The following WASHC2C variants were observed in gnomAD, a reference collection of about 807,000 sequenced individuals.
The protein encoded by WASHC2C is Vaccinia Penetration Factor.
Under a neutral mutation model 142.2 loss-of-function variants are expected in WASHC2C, and 73 were observed. The ratio of observed to expected loss-of-function variants is 0.51; its 90% CI spans 0.43 to 0.62. The LOEUF is 0.62. Among genes scored for constraint, WASHC2C ranks in the 20% least tolerant of loss-of-function variants. The pLI, the probability that WASHC2C is intolerant of heterozygous loss-of-function variation, is 0.00. For missense variants in WASHC2C, 969 were observed against 1,531.7 expected, an observed-to-expected ratio of 0.63 and a Z score of 6.13; for synonymous variants, 337 against 565.5, an observed-to-expected ratio of 0.60 and a Z score of 5.73.
At chr10:45,740,432 A>G (rs548940379) in intron 5 of WASHC2C, among the ~76,000 whole-genome samples, 186 bp downstream of exon 5, 6 of 152,332 alleles carry the variant, frequency 3.9e-5, no homozygotes, top group Admixed American at 3.9e-4. Context: ...GTGAGGTGCA[A>G]GGCAACATGT....
Position 45,787,197 on chromosome 10 carries a change from G to A in WASHC2C, c.3037G>A (p.Val1013Met). 23 of 1,543,448 alleles carry A rather than the reference G, an allele frequency of 1.5e-5. No homozygotes were observed. Among genetic ancestry groups the A allele is most frequent in the Non-Finnish European group, 2.0e-5 (23 of 1,136,852 alleles). ...CCTTCCCGGGAGTGGGGAGGCCGGT[G>A]TGAGTTTTGATCTTCCAGCTCAGGC... ...PVLPGSGEAGVSFDLPAQADT... is the reference protein window; with the variant it reads ...PVLPGSGEAGMSFDLPAQADT... Residue 1013 changes from valine to methionine, a missense_variant, in exon 28 of 31, where the codon GTG (valine) becomes ATG (methionine). Val to Met is a conservative substitution (Grantham distance 21). Coordinates refer to ENST00000623400, the MANE Select transcript of WASHC2C (RefSeq NM_001330074.2).
At chr10:45,784,280 A>ATGTG (rs2057810821) in intron 23 of WASHC2C, among the ~76,000 whole-genome samples, 1 of 7,250 alleles carries the variant, frequency 1.4e-4, no homozygotes, top group Non-Finnish European at 3.9e-4. Context: ...ATATATATAT[A>ATGTG]TATATATATA....
At chr10:45,764,368 C>T (rs1444590314) in intron 18 of WASHC2C, among the ~76,000 whole-genome samples, 6 of 151,350 alleles carry the variant, frequency 4.0e-5, no homozygotes, top group African/African-American at 1.5e-4. Context: ...CAACATATTA[C>T]TGAGAAAACA....
rs1239697357 is a variant in WASHC2C at position 45,731,452 on chromosome 10, G to A, written c.291+2426G>A. Among the ~76,000 whole-genome samples the A allele has an allele frequency of 2.1e-5, 3 of 142,862 alleles. No individual in the cohort carries two copies. The South Asian group carries it at 6.9e-4, about 33-fold the overall frequency. 93.7% of individuals were successfully genotyped at this position (142,862 alleles called of 152,430 possible). ...TTGGTGAGTCTGCTTTTGAACTTCTGACCTCAAGCGATCTGCCCATTGCAA... is the reference window on the plus strand; with the variant it reads ...TTGGTGAGTCTGCTTTTGAACTTCTAACCTCAAGCGATCTGCCCATTGCAA... On this transcript the variant is annotated intron_variant, in intron 3 of 30. Transcript: ENST00000623400.
chr10:45,769,029 A>T (rs1465693046), intron 19 of WASHC2C, among the ~76,000 whole-genome samples: 2 of 152,188 alleles, frequency 1.3e-5, no homozygotes, highest in Non-Finnish European at 1.5e-5. Context: ...TGATGCACTA[A>T]GTTTAATACT....
chr10:45,761,859 C>T (rs2055136163), intron 17 of WASHC2C, among the ~76,000 whole-genome samples: 1 of 152,144 alleles, frequency 6.6e-6, no homozygotes, highest in Non-Finnish European at 1.5e-5. Context: ...AGGAGGGGCA[C>T]GGGATGCCTG....
intron 23 of WASHC2C, among the ~76,000 whole-genome samples, chr10:45,779,936 G>A (rs1312869015): frequency 2.0e-5 from 3 of 148,988 alleles, no homozygotes; most frequent in African/African-American, 7.4e-5. Flanking sequence ...AGTGAGCCGA[G>A]ATCGCACCAC....
intron 23 of WASHC2C, among the ~76,000 whole-genome samples, chr10:45,784,252 GTA>G (rs71225139): frequency 0.018 from 731 of 40,618 alleles, 4 homozygotes; most frequent in South Asian, 0.039. Flanking sequence ...GTGTGTGTGT[GTA>G]TATATATATA....
intron 28 of WASHC2C, among the ~76,000 whole-genome samples, chr10:45,788,626 C>G (rs1265330760): frequency 2.0e-5 from 3 of 152,088 alleles, no homozygotes; most frequent in Non-Finnish European, 2.9e-5. Context: ...TGAAACTGCC[C>G]TGAAAAGATT....
At chr10:45,735,937 T>A (rs4949017) in intron 3 of WASHC2C, among the ~76,000 whole-genome samples, 1 of 152,160 alleles carries the variant, frequency 6.6e-6, no homozygotes, top group Non-Finnish European at 1.5e-5. Flanking sequence ...GGTAAAATCC[T>A]TCTCTAGGTA....
At position 45,755,097 on chromosome 10, in the gene WASHC2C, A is replaced by G. The variant is rs199533081; in HGVS notation, c.1402A>G (p.Ser468Gly). Residue 468 changes from serine to glycine, a missense_variant, in exon 15 of 31, where the codon AGC (serine) becomes GGC (glycine). Physicochemically the swap from Ser to Gly is moderately conservative, Grantham distance 56. Transcript: ENST00000623400. ...DDDDFFSAPH[S>G]KPSKTRKVQS... is the part of the protein sequence containing the mutation. ...TGACGACTTTTTCTCGGCACCCCAC[A>G]GCAAACCTTCTAAAACACGTATGTG... 19 of 1,601,122 alleles carry G rather than the reference A, an allele frequency of 1.2e-5. No individual in the cohort carries two copies. In the South Asian group the frequency reaches 1.8e-4, roughly 15 times the overall value.
At chr10:45,738,913 G>A (rs2051626936) in intron 4 of WASHC2C, among the ~76,000 whole-genome samples, 2 of 152,132 alleles carry the variant, frequency 1.3e-5, no homozygotes, top group African/African-American at 4.8e-5. Flanking sequence ...CGCCATGTTG[G>A]CCAGGCTGGT....
chr10:45,789,330 G>T lies in WASHC2C; in HGVS notation c.3547G>T (p.Asp1183Tyr). The T allele has an allele frequency of 6.2e-7, 1 of 1,612,056 alleles. No individual in the cohort carries two copies. The highest frequency in any genetic ancestry group is 8.5e-7 in the Non-Finnish European group (1 of 1,179,870). ...TCTAGGCGAGGCCAGCAGTGATGATGATCTCTTTCAGTCTGCTAAACCAAA... is the reference window on the plus strand; with the variant it reads ...TCTAGGCGAGGCCAGCAGTGATGATTATCTCTTTCAGTCTGCTAAACCAAA... ...PALGEASSDD[D>Y]LFQSAKPKPA... The change falls in exon 29 of 31, where the codon GAT (aspartate) becomes TAT (tyrosine). Residue 1183 changes from aspartate to tyrosine, a missense_variant. By Grantham distance (160) the Asp-to-Tyr change is radical (BLOSUM62 -3). Coordinates refer to ENST00000623400, the MANE Select transcript of WASHC2C (RefSeq NM_001330074.2).
chr10:45,761,479 A>T (rs1461688454), intron 17 of WASHC2C, among the ~76,000 whole-genome samples: 1 of 152,216 alleles, frequency 6.6e-6, no homozygotes, highest in African/African-American at 2.4e-5. Flanking sequence ...ACTTGTGTGA[A>T]AACCCTACCA....
chr10:45,780,754 CTT>C (rs1195938940), intron 23 of WASHC2C, among the ~76,000 whole-genome samples: 21 of 128,750 alleles, frequency 1.6e-4, no homozygotes, highest in Admixed American at 1.6e-4. Flanking sequence ...TAGTAACTTT[CTT>C]TTTTTTTTTT....
chr10:45,741,128 A>G (rs1214333351), intron 5 of WASHC2C, among the ~76,000 whole-genome samples: 3 of 151,784 alleles, frequency 2.0e-5, no homozygotes, highest in Non-Finnish European at 4.4e-5. Context: ...TTGTATTTTT[A>G]GTATAGACAG....
intron 23 of WASHC2C, among the ~76,000 whole-genome samples, chr10:45,783,997 A>C (rs1407585521): frequency 6.6e-6 from 1 of 152,010 alleles, no homozygotes; most frequent in Non-Finnish European, 1.5e-5. Context: ...CAGTGCTTAC[A>C]GGTGAGGGAC....
intron 19 of WASHC2C, 129 bp downstream of exon 19, chr10:45,765,939 A>T: frequency 7.1e-7 from 1 of 1,416,046 alleles, no homozygotes; most frequent in Non-Finnish European, 9.6e-7. Flanking sequence ...TGTTCACAAG[A>T]TTGTCTTTTC....
At chr10:45,753,462 A>G (rs1554875739) in intron 13 of WASHC2C, among the ~76,000 whole-genome samples, 1 of 138,214 alleles carries the variant, frequency 7.2e-6, no homozygotes, top group East Asian at 2.1e-4. Flanking sequence ...CTTTGTTAGG[A>G]GAGAACTCAT....
Sources: gnomAD v4.1 joint callset for allele counts (sites outside exome capture counted in the v4.1 genomes callset) on GRCh38, gnomAD v4.1.1 for gene constraint, MANE v1.5 for transcripts, NCBI Gene and HGNC (gene_info 2026-07-23, HGNC 2026-07-21) for gene names.